Variants in GALNTL6 observed in about 807,000 individuals in gnomAD.
GALNTL6 encodes the protein polypeptide N-acetylgalactosaminyltransferase like 6, also known as polypeptide N-acetylgalactosaminyltransferase-like 6.
Under a neutral mutation model 73.7 loss-of-function variants are expected in GALNTL6, and 46 were observed. That is an observed-to-expected ratio of 0.62 (90% CI 0.49 to 0.80). The LOEUF is 0.80. Among genes scored for constraint, GALNTL6 ranks in the 30% least tolerant of loss-of-function variants. GALNTL6 has a pLI of 0.00. For missense variants in GALNTL6, 604 were observed against 755.0 expected, an observed-to-expected ratio of 0.80 and a Z score of 2.34; for synonymous variants, 259 against 263.7, an observed-to-expected ratio of 0.98 and a Z score of 0.17.
intron 5 of GALNTL6, among the ~76,000 whole-genome samples, chr4:172,429,251 T>A (rs1191942930): frequency 7.5e-6 from 1 of 133,504 alleles, no homozygotes; most frequent in Non-Finnish European, 1.7e-5. Flanking sequence ...TCGCACTGTC[T>A]CCCAGGCTGG....
chr4:172,768,994 C>G (rs1181400361), intron 5 of GALNTL6, among the ~76,000 whole-genome samples: 1 of 151,946 alleles, frequency 6.6e-6, no homozygotes, highest in African/African-American at 2.4e-5. Context: ...AGCCTTTTTG[C>G]TGGTCCGCAA....
At chr4:171,926,105 A>G (rs1578978487) in intron 2 of GALNTL6, among the ~76,000 whole-genome samples, 1 of 152,128 alleles carries the variant, frequency 6.6e-6, no homozygotes, top group African/African-American at 2.4e-5. Flanking sequence ...GACATAAAAC[A>G]TTACATTTAT....
intron 2 of GALNTL6, among the ~76,000 whole-genome samples, chr4:172,088,263 T>C (rs1732106214): frequency 6.6e-6 from 1 of 152,252 alleles, no homozygotes; most frequent in Non-Finnish European, 1.5e-5. Context: ...TTTAGCTTTA[T>C]GCTTTCACTA....
Position 171,904,083 on chromosome 4 carries a change from G to A in GALNTL6, c.138+89365G>A, listed in dbSNP as rs567004861. ...AAAACTGGAAACTCTAAAAAGCAGA[G>A]CGCCTCTCCTCCTCCAAAGGAACGT... On this transcript the variant is annotated intron_variant, in intron 2 of 12. Transcript: ENST00000506823. Among the ~76,000 whole-genome samples, 282 of 152,318 alleles carry A rather than the reference G, an allele frequency of 1.9e-3. 1 individual carries two copies. Among genetic ancestry groups the A allele is most frequent in the Admixed American group, 0.01 (154 of 15,300 alleles).
chr4:173,035,176 T>C (rs1330644177), intron 12 of GALNTL6, among the ~76,000 whole-genome samples: 1 of 143,652 alleles, frequency 7.0e-6, no homozygotes, highest in Non-Finnish European at 1.5e-5. Flanking sequence ...ACATGTGCCA[T>C]GCTCTTTTTT....
intron 5 of GALNTL6, among the ~76,000 whole-genome samples, chr4:172,439,601 C>T (rs1579072685): frequency 6.6e-6 from 1 of 151,588 alleles, no homozygotes; most frequent in Non-Finnish European, 1.5e-5. Flanking sequence ...CTTGAAATAC[C>T]ATGTAAACTC....
At chr4:172,716,670 A>C (rs1735120569) in intron 5 of GALNTL6, among the ~76,000 whole-genome samples, 2 of 152,218 alleles carry the variant, frequency 1.3e-5, no homozygotes, top group South Asian at 4.1e-4. Flanking sequence ...CGCATTAAGG[A>C]AAACAAAGAT....
intron 3 of GALNTL6, among the ~76,000 whole-genome samples, chr4:172,260,642 T>G (rs1413538391): frequency 2.0e-5 from 3 of 151,650 alleles, no homozygotes; most frequent in South Asian, 2.1e-4. Flanking sequence ...AGTACTATGT[T>G]GAATAGAAGT....
intron 2 of GALNTL6, among the ~76,000 whole-genome samples, chr4:171,936,543 A>C (rs998875775): frequency 1.1e-4 from 16 of 152,258 alleles, no homozygotes; most frequent in African/African-American, 3.4e-4. Context: ...AGTCTCTAGA[A>C]ATTATTCTCA....
At chr4:173,004,367 C>G (rs180772424) in intron 10 of GALNTL6, among the ~76,000 whole-genome samples, 1 of 152,284 alleles carries the variant, frequency 6.6e-6, no homozygotes, top group Non-Finnish European at 1.5e-5. Flanking sequence ...GTGGCTCACG[C>G]CTATAATCCC....
intron 8 of GALNTL6, among the ~76,000 whole-genome samples, chr4:172,914,615 C>T (rs1326872525): frequency 6.6e-6 from 1 of 152,138 alleles, no homozygotes; most frequent in Admixed American, 6.5e-5. Flanking sequence ...TCTGATAAAA[C>T]AGACTTTAAA....
intron 5 of GALNTL6, among the ~76,000 whole-genome samples, chr4:172,738,680 C>G (rs1736612256): frequency 6.6e-6 from 1 of 152,146 alleles, no homozygotes; most frequent in African/African-American, 2.4e-5. Flanking sequence ...GCCCATGACA[C>G]AGCCCTTAGG....
chr4:171,884,514 T>G (rs1030333570), intron 2 of GALNTL6, among the ~76,000 whole-genome samples: 2 of 151,612 alleles, frequency 1.3e-5, no homozygotes, highest in African/African-American at 4.8e-5. Context: ...ATTACTTAAA[T>G]TTAAGATATA....
At chr4:171,898,956 C>CT (rs1480852544) in intron 2 of GALNTL6, among the ~76,000 whole-genome samples, 1 of 151,656 alleles carries the variant, frequency 6.6e-6, no homozygotes, top group Non-Finnish European at 1.5e-5. Flanking sequence ...ATATAGATTT[C>CT]TTTTTTCTGT....
chr4:172,348,217 A>C (rs1014196915), intron 4 of GALNTL6, among the ~76,000 whole-genome samples: 3 of 152,184 alleles, frequency 2.0e-5, no homozygotes, highest in Non-Finnish European at 4.4e-5. Flanking sequence ...ACTCATCCTT[A>C]TTTCTATTAT....
Position 172,759,112 on chromosome 4 carries a change from T to C in GALNTL6, c.554-50249T>C, listed in dbSNP as rs575244763. Reference sequence around the variant, plus strand: ...CATCTGCTTCCTCTATTTACTTTCTTGCCCACAACCACAAGAAGAGGAAGA... The same window carrying C: ...CATCTGCTTCCTCTATTTACTTTCTCGCCCACAACCACAAGAAGAGGAAGA... On this transcript the variant is annotated intron_variant, in intron 5 of 12. Transcript: ENST00000506823. Among the ~76,000 whole-genome samples, 13 of 152,308 alleles carry C rather than the reference T, an allele frequency of 8.5e-5. No homozygotes were observed. The East Asian group carries it at 1.4e-3, about 16-fold the overall frequency.
chr4:172,063,578 C>T (rs1317169706), intron 2 of GALNTL6, among the ~76,000 whole-genome samples: 1 of 152,062 alleles, frequency 6.6e-6, no homozygotes, highest in East Asian at 1.9e-4. Context: ...AACACTCTTT[C>T]TGCTTTTTTA....
chr4:172,748,910 GTTGTTGTTGTTGTTGT>G (rs1414564067), intron 5 of GALNTL6, among the ~76,000 whole-genome samples: 3 of 150,072 alleles, frequency 2.0e-5, no homozygotes, highest in African/African-American at 7.4e-5. Flanking sequence ...TGTTGTTGTT[GTTGTTGTTGTTGTTGT>G]TTAAGACAAG....
At chr4:172,834,170 T>C (rs1289106972) in intron 7 of GALNTL6, among the ~76,000 whole-genome samples, 1 of 152,092 alleles carries the variant, frequency 6.6e-6, no homozygotes, top group East Asian at 1.9e-4. Context: ...CAAGAAGGAC[T>C]GACAAGAGGA....
Sources: gnomAD v4.1 joint callset for allele counts (sites outside exome capture counted in the v4.1 genomes callset) on GRCh38, gnomAD v4.1.1 for gene constraint, MANE v1.5 for transcripts, NCBI Gene and HGNC (gene_info 2026-07-23, HGNC 2026-07-21) for gene names.